The following PEAR1 variants were observed in gnomAD, a reference collection of about 807,000 sequenced individuals.
PEAR1 encodes the protein multiple EGF-like domains protein 12.
In PEAR1, 113 loss-of-function variants were observed where a neutral mutation model predicts 131.2. The observed-to-expected ratio is 0.86, with a 90% CI of 0.74 to 1.01. The LOEUF is 1.01. PEAR1 is among the 50% of genes least tolerant of loss of function. The probability of loss-of-function intolerance (pLI) is 0.00; values close to 1 mark genes in which losing one functional copy is unlikely to be tolerated. For synonymous variants in PEAR1, 565 were observed against 523.3 expected (o/e 1.08, Z -1.09); for missense variants, 1,408 against 1,391.1 (o/e 1.01, Z -0.19).
In PEAR1 at chr1:156,903,954, C is replaced by T. The variant is rs1489992655; in HGVS notation, c.28C>T (p.Leu10Phe). 1.2e-6 allele frequency: 2 copies of T among 1,614,082 alleles called. No individual in the cohort carries two copies. Among genetic ancestry groups the T allele is most frequent in the Admixed American group, 1.7e-5 (1 of 60,016 alleles). The change falls in exon 2 of 23, where the codon CTC becomes TTC. Residue 10 changes from leucine (L) to phenylalanine (F), a missense_variant. Coordinates refer to ENST00000292357, the MANE Select transcript of PEAR1 (RefSeq NM_001080471.3). Reference sequence around the variant, plus strand: ...GTCACCGCCTCTGTGTCCCCTCCTTCTCCTGGCTGTGGGCCTGCGGCTGGC... The same window carrying T: ...GTCACCGCCTCTGTGTCCCCTCCTTTTCCTGGCTGTGGGCCTGCGGCTGGC... MSPPLCPLL[L>F]LAVGLRLAGT...
chr1:156,905,517 A>G, intron 4 of PEAR1, 93 bp downstream of exon 4: 1 of 1,144,574 alleles, frequency 8.7e-7, no homozygotes, highest in Non-Finnish European at 1.2e-6. Flanking sequence ...CCCCGCTAGA[A>G]TGGGGTTACT....
chr1:156,911,089 CTTTCCTTT>C (rs1420639546), intron 15 of PEAR1, among the ~76,000 whole-genome samples: 161 of 114,882 alleles, frequency 1.4e-3, no homozygotes, highest in Middle Eastern at 8.1e-3. Context: ...TTCTTTCTTT[CTTTCCTTT>C]CTTTCTTTCT....
rs762584028 is a variant in PEAR1 at position 156,906,255 on chromosome 1, C to T, written c.308-21C>T. Reference sequence around the variant, plus strand: ...TAGGGGCAGGGGTGGACACATCTCACCACACCCATCTCTGTCCCAGCGCTC... The same window carrying T: ...TAGGGGCAGGGGTGGACACATCTCATCACACCCATCTCTGTCCCAGCGCTC... On this transcript the variant is annotated intron_variant, in intron 4 of 22. Transcript: ENST00000292357. 5 of 1,611,324 alleles carry T rather than the reference C, an allele frequency of 3.1e-6. No homozygotes were observed. The African/African-American group carries it at 6.7e-5, about 22-fold the overall frequency.
Position 156,909,278 on chromosome 1 carries a change from C to A in PEAR1, c.1411+242C>A, listed in dbSNP as rs975802391. On this transcript the variant is annotated intron_variant, in intron 11 of 22. Coordinates refer to ENST00000292357, the MANE Select transcript of PEAR1 (RefSeq NM_001080471.3). ...CTGAGGCCAAAAGCCACCTCACTGG[C>A]GAACGTCCCTCACCCTCAGTCATAC... 1.2e-4 allele frequency among the ~76,000 whole-genome samples: 19 copies of A among 152,170 alleles called. 1 individual carries two copies. Among genetic ancestry groups the A allele is most frequent in the Non-Finnish European group, 1.5e-5 (1 of 68,020 alleles).
chr1:156,907,305 C>T (rs375793701), intron 6 of PEAR1, among the ~76,000 whole-genome samples: 2 of 152,292 alleles, frequency 1.3e-5, no homozygotes, highest in African/African-American at 4.8e-5. Context: ...GGAGTTGAGC[C>T]TACTACAGTA....
At chr1:156,903,174 G>T (rs1219131840) in intron 1 of PEAR1, among the ~76,000 whole-genome samples, 1 of 152,126 alleles carries the variant, frequency 6.6e-6, no homozygotes, top group Non-Finnish European at 1.5e-5. Context: ...CTCTGGGCCC[G>T]TATGAGGTGG....
chr1:156,913,869 G>A lies in PEAR1; in HGVS notation c.2731G>A (p.Glu911Lys). ...ATCCTTAGGGCTCATCTCTGAAGAGGAGCTCGGGGCCAGTGTGGCTTCCCT... is the reference window on the plus strand; with the variant it reads ...ATCCTTAGGGCTCATCTCTGAAGAGAAGCTCGGGGCCAGTGTGGCTTCCCT... ...FYNKGLISEE[E>K]LGASVASLSS... Residue 911 changes from glutamate to lysine, a missense_variant, in exon 22 of 23, where the codon GAG becomes AAG. Coordinates refer to ENST00000292357, the MANE Select transcript of PEAR1 (RefSeq NM_001080471.3). 1 of 1,613,436 alleles carries A rather than the reference G, an allele frequency of 6.2e-7. No homozygotes were observed. The highest frequency in any genetic ancestry group is 8.5e-7 in the Non-Finnish European group (1 of 1,179,702).
rs1249326282 is a variant in PEAR1, at chr1:156,902,347, T to A, written c.-9-1571T>A. The A allele has an allele frequency of 6.5e-6, 1 of 153,008 alleles. No individual in the cohort carries two copies. Among genetic ancestry groups the A allele is most frequent in the Non-Finnish European group, 1.5e-5 (1 of 68,570 alleles). The allele number at this position is 153,008 out of a possible 1,614,324, so 9.5% of individuals were successfully genotyped here. ...GCACAGAGGAGGCTAGAGGCTGAGA[T>A]TCGCCCTGCGGGAAGTGTGATGGGG... On this transcript the variant is annotated intron_variant, in intron 1 of 22. Coordinates refer to ENST00000292357, the MANE Select transcript of PEAR1 (RefSeq NM_001080471.3). The surrounding 1 kb of genome is among the most constrained non-coding windows in gnomAD (Gnocchi z 4.3).
intron 2 of PEAR1, among the ~76,000 whole-genome samples, chr1:156,904,351 G>T (rs1324062480): frequency 1.3e-5 from 2 of 152,130 alleles, no homozygotes; most frequent in African/African-American, 4.8e-5. Flanking sequence ...GGCTGGCCCA[G>T]GGGGAGCAAA....
rs777355978 is a variant in PEAR1, at chr1:156,911,200, T to TTTCTTTTC, written c.1951+459_1951+460insCTTTTCTT. Among the ~76,000 whole-genome samples the TTTCTTTTC allele has an allele frequency of 1.1e-3, 121 of 114,260 alleles. 7 individuals are homozygous for TTTCTTTTC. The highest frequency in any genetic ancestry group is 4.3e-3 in the African/African-American group (115 of 26,682). The allele number at this position is 114,260 out of a possible 152,430, so 75.0% of individuals were successfully genotyped here. Reference sequence around the variant, plus strand: ...CTTTTCTTTCTTCTTTCTTTCTTTCTTTTCTTTCTTTCTTTCTTTCCTTTC... The same window carrying TTTCTTTTC: ...CTTTTCTTTCTTCTTTCTTTCTTTCTTTCTTTTCTTTCTTTCTTTCTTTCTTTCCTTTC... On this transcript the variant is annotated intron_variant, in intron 15 of 22. Coordinates refer to ENST00000292357, the MANE Select transcript of PEAR1 (RefSeq NM_001080471.3).
At chr1:156,907,276 G>A (rs919962520) in intron 6 of PEAR1, among the ~76,000 whole-genome samples, 3 of 152,210 alleles carry the variant, frequency 2.0e-5, no homozygotes, top group African/African-American at 4.8e-5. Flanking sequence ...TCAAGATCAC[G>A]CTTTGTGGAG....
Position 156,909,912 on chromosome 1 carries a change from C to T in PEAR1, c.1573C>T (p.Pro525Ser). 2.2e-5 allele frequency: 36 copies of T among 1,609,006 alleles called. No individual in the cohort carries two copies. Among genetic ancestry groups the T allele is most frequent in the Non-Finnish European group, 2.9e-5 (34 of 1,176,788 alleles). The change falls in exon 12 of 23, where the codon CCG becomes TCG. Residue 525 changes from proline to serine, a missense_variant and splice_region_variant. Transcript: ENST00000292357. ...WHGAHCQLPC[P>S]KGQFGEGCAS... ...TGGGGCCCACTGCCAGCTGCCCTGT[C>T]CGGTGAGTGCTGGACAGCCTGTCTG...
intron 11 of PEAR1, 106 bp from the exon 12 acceptor site, chr1:156,909,645 C>T (rs1171910313): frequency 4.6e-6 from 6 of 1,306,282 alleles, no homozygotes; most frequent in Non-Finnish European, 6.3e-6. Flanking sequence ...ACACCCCCCA[C>T]CCACCCCAGC....
intron 16 of PEAR1, 33 bp downstream of exon 16, chr1:156,912,408 C>T (rs1047931372): frequency 5.0e-6 from 8 of 1,607,148 alleles, no homozygotes; most frequent in African/African-American, 1.3e-5. Flanking sequence ...AGGCCCCTGC[C>T]TCCAACTTAA....
rs1291648761 is a variant in PEAR1, at chr1:156,908,693, G to A, written c.1154G>A (p.Gly385Asp). 6.5e-7 allele frequency: 1 copy of A among 1,537,556 alleles called. No homozygotes were observed. Among genetic ancestry groups the A allele is most frequent in the Admixed American group, 2.0e-5 (1 of 51,022 alleles). ...PMNGECSCLP[G>D]WAGLHCNESC... ...AACGGGGAGTGCTCCTGCCTGCCGG[G>A]CTGGGCGGGCCTCCACTGCAACGAG... The change falls in exon 10 of 23, where the codon GGC becomes GAC. Residue 385 changes from glycine to aspartate, a missense_variant. Gly to Asp is a moderately conservative substitution (Grantham distance 94). Transcript: ENST00000292357. The surrounding 1 kb of genome is among the most constrained non-coding windows in gnomAD (Gnocchi z 4.2).
intron 11 of PEAR1, among the ~76,000 whole-genome samples, chr1:156,909,316 A>T (rs61457421): frequency 0.036 from 5,477 of 152,154 alleles, 342 homozygotes; most frequent in African/African-American, 0.13. Flanking sequence ...AAACACAATT[A>T]CCATGCTGGG....
chr1:156,908,188 C>A lies in PEAR1; in HGVS notation c.963C>A (p.Cys321Ter). The change falls in exon 9 of 23, where the codon TGC becomes TGA. Residue 321 changes from cysteine to a stop codon, truncating the protein, a stop_gained. Transcript: ENST00000292357. LOFTEE classifies it high-confidence loss of function. The surrounding 1 kb of genome is among the most constrained non-coding windows in gnomAD (Gnocchi z 4.2). The part of the protein sequence containing the change: ...FGQDCAETCD[C>*]APDARCFPAN... ...AGGACTGTGCTGAGACGTGCGACTG[C>A]GCCCCGGACGCCCGTTGCTTCCCGG... is the stretch of plus-strand genomic sequence containing the variant. 6.2e-7 allele frequency: 1 copy of A among 1,602,778 alleles called. No homozygotes were observed.
At chr1:156,910,474 C>T in intron 14 of PEAR1, 94 bp downstream of exon 14, 3 of 1,543,184 alleles carry the variant, frequency 1.9e-6, no homozygotes, top group Non-Finnish European at 2.6e-6. Flanking sequence ...CCGCCGCCCA[C>T]CTCTCCCACC....
rs768566875 is a variant in PEAR1, at chr1:156,908,622, C to G, written c.1116-33C>G. 1 of 1,493,638 alleles carries G rather than the reference C, an allele frequency of 6.7e-7. No individual in the cohort carries two copies. Among genetic ancestry groups the G allele is most frequent in the South Asian group, 1.3e-5 (1 of 76,844 alleles). 92.5% of individuals were successfully genotyped at this position (1,493,638 alleles called of 1,614,324 possible). A position where few individuals can be genotyped will look rare whatever the true frequency, so the allele number is the denominator to read the frequency against. On this transcript the variant is annotated intron_variant, in intron 9 of 22. Transcript: ENST00000292357. This position sits in a 1 kb window ranked among gnomAD's most constrained non-coding sequence, Gnocchi z 4.2. ...GAAGCTGCCCTGCCCCTGCCCAGCT[C>G]AGACCGCGCCACGCCCCCGCCTCTG...
Sources: allele counts gnomAD v4.1 joint callset (sites outside exome capture counted in the v4.1 genomes callset), GRCh38; gene constraint gnomAD v4.1.1; non-coding constraint Gnocchi (gnomAD v3.1); transcripts MANE v1.5; gene names NCBI Gene and HGNC (gene_info 2026-07-23, HGNC 2026-07-21).